ARHGAP10: variants seen among roughly 807,000 people sequenced by gnomAD.
The protein encoded by ARHGAP10 is Rho GTPase activating protein 10.
In ARHGAP10, 87 loss-of-function variants were observed where a neutral mutation model predicts 108.6. The observed-to-expected ratio is 0.80, with a 90% CI of 0.67 to 0.96. ARHGAP10 has a LOEUF of 0.96. Ranked by LOEUF, ARHGAP10 falls within the 40% of genes least tolerant of loss-of-function variation. The pLI is 0.00. For synonymous variants in ARHGAP10, 347 were observed against 341.1 expected (o/e 1.02, Z -0.19); for missense variants, 939 against 954.5 (o/e 0.98, Z 0.21).
chr4:147,804,186 G>A (rs563374775), intron 1 of ARHGAP10, among the ~76,000 whole-genome samples: 1 of 152,022 alleles, frequency 6.6e-6, no homozygotes, highest in African/African-American at 2.4e-5. Flanking sequence ...CCCCAGGTCT[G>A]TTGTTCCCTT....
In ARHGAP10 at chr4:148,063,202, C is replaced by A; in HGVS notation, c.2082C>A (p.Thr694=). 2 of 1,614,192 alleles carry A rather than the reference C, an allele frequency of 1.2e-6. No homozygotes were observed. The highest frequency in any genetic ancestry group is 1.1e-5 in the South Asian group (1 of 91,088). Residue 694 remains threonine, a synonymous_variant, in exon 21 of 23, where the codon ACC becomes ACA. Coordinates refer to ENST00000336498, the MANE Select transcript of ARHGAP10 (RefSeq NM_024605.4). Reference sequence around the variant, plus strand: ...AGTGGCTTAACCCACAGTCTCCAACCACAACAAGCTCCAACTCAGCTGTGA... The same window carrying A: ...AGTGGCTTAACCCACAGTCTCCAACAACAACAAGCTCCAACTCAGCTGTGA... ...MVQWLNPQSP[T]TTSSNSAVTP... is the part of the protein sequence containing the mutation.
chr4:147,945,096 G>C (rs1738320498), intron 14 of ARHGAP10, among the ~76,000 whole-genome samples: 1 of 152,124 alleles, frequency 6.6e-6, no homozygotes, highest in Non-Finnish European at 1.5e-5. Context: ...TTAGAAGCGT[G>C]TAAGCCCAGC....
intron 19 of ARHGAP10, among the ~76,000 whole-genome samples, chr4:148,027,476 T>A (rs1040027140): frequency 6.6e-6 from 1 of 152,232 alleles, no homozygotes; most frequent in African/African-American, 2.4e-5. Flanking sequence ...TACAGCGTGG[T>A]AGATACCGTG....
At chr4:147,788,384 T>G (rs1053135228) in intron 1 of ARHGAP10, among the ~76,000 whole-genome samples, 8 of 151,964 alleles carry the variant, frequency 5.3e-5, no homozygotes, top group African/African-American at 1.7e-4. Context: ...GAGACGGAGG[T>G]TGCAGTGAGC....
At chr4:147,957,550 G>A (rs1738830825) in intron 16 of ARHGAP10, among the ~76,000 whole-genome samples, 1 of 152,156 alleles carries the variant, frequency 6.6e-6, no homozygotes, top group South Asian at 2.1e-4. Flanking sequence ...TGTTAGCTGA[G>A]CTGACTGCTA....
intron 18 of ARHGAP10, among the ~76,000 whole-genome samples, chr4:148,004,861 T>A (rs1740882759): frequency 1.3e-5 from 2 of 152,184 alleles, no homozygotes; most frequent in Non-Finnish European, 2.9e-5. Context: ...AACTTTGAGA[T>A]CATTGATAGC....
At chr4:148,014,794 G>A (rs763449982) in intron 18 of ARHGAP10, among the ~76,000 whole-genome samples, 2 of 152,144 alleles carry the variant, frequency 1.3e-5, no homozygotes, top group East Asian at 1.9e-4. Context: ...GAGTGCTACC[G>A]AAATCAATAT....
intron 19 of ARHGAP10, among the ~76,000 whole-genome samples, chr4:148,038,665 A>T (rs1319891660): frequency 6.6e-6 from 1 of 152,154 alleles, no homozygotes. Flanking sequence ...GCAAGAGATT[A>T]TTGGTTTTGA....
chr4:147,952,411 C>T (rs570188127), intron 15 of ARHGAP10, among the ~76,000 whole-genome samples: 28 of 152,252 alleles, frequency 1.8e-4, no homozygotes, highest in Non-Finnish European at 4.4e-5. Flanking sequence ...TTCATTCTTG[C>T]CAACTCTTAA....
At chr4:147,807,920 G>A (rs936276978) in intron 1 of ARHGAP10, among the ~76,000 whole-genome samples, 2 of 152,186 alleles carry the variant, frequency 1.3e-5, no homozygotes, top group African/African-American at 4.8e-5. Flanking sequence ...TGGTTGTATG[G>A]GTGTATAGGG....
intron 13 of ARHGAP10, among the ~76,000 whole-genome samples, chr4:147,928,869 G>A (rs572672727): frequency 6.6e-6 from 1 of 152,266 alleles, no homozygotes; most frequent in South Asian, 2.1e-4. Context: ...TGAAGCTCAT[G>A]CACTTGCTTT....
intron 13 of ARHGAP10, among the ~76,000 whole-genome samples, chr4:147,917,931 CA>C (rs1160403427): frequency 6.6e-6 from 1 of 152,012 alleles, no homozygotes; most frequent in Admixed American, 6.6e-5. Flanking sequence ...GTAAAAAAAT[CA>C]TAAAACTGTT....
At chr4:147,761,644 T>A (rs993161727) in intron 1 of ARHGAP10, among the ~76,000 whole-genome samples, 1 of 152,236 alleles carries the variant, frequency 6.6e-6, no homozygotes, top group African/African-American at 2.4e-5. Flanking sequence ...GCATTTAAAT[T>A]TACTCTCCAT....
chr4:148,046,886 T>G lies in ARHGAP10; in HGVS notation c.1868-6T>G. ...GTTTGATATTCAATGCTTTTTTTCC[T>G]CCTAGGTGACAATCCTTACCCTTCC... is the stretch of plus-strand genomic sequence containing the variant. On this transcript the variant is annotated splice_region_variant and splice_polypyrimidine_tract_variant and intron_variant, in intron 19 of 22. Coordinates refer to ENST00000336498, the MANE Select transcript of ARHGAP10 (RefSeq NM_024605.4). 7 of 1,609,820 alleles carry G rather than the reference T, an allele frequency of 4.3e-6. No individual in the cohort carries two copies. The highest frequency in any genetic ancestry group is 5.9e-6 in the Non-Finnish European group (7 of 1,178,070).
At chr4:147,920,747 AG>A (rs1385366439) in intron 13 of ARHGAP10, among the ~76,000 whole-genome samples, 1 of 152,254 alleles carries the variant, frequency 6.6e-6, no homozygotes, top group African/African-American at 2.4e-5. Context: ...AGAGAATATG[AG>A]TGCATGTTGA....
chr4:147,909,603 A>G (rs1736649494), intron 11 of ARHGAP10, 129 bp from the exon 12 acceptor site: 1 of 755,900 alleles, frequency 1.3e-6, no homozygotes, highest in Non-Finnish European at 2.1e-6. Context: ...CCAATTTCTT[A>G]TTCTATCACA....
chr4:147,893,465 A>T (rs1303876398), intron 10 of ARHGAP10, among the ~76,000 whole-genome samples: 2 of 147,660 alleles, frequency 1.4e-5, no homozygotes, highest in African/African-American at 4.9e-5. Context: ...TCTATATATA[A>T]TACTATTCTA....
chr4:147,844,802 C>T (rs1340304934), intron 3 of ARHGAP10, among the ~76,000 whole-genome samples: 3 of 152,224 alleles, frequency 2.0e-5, no homozygotes, highest in Non-Finnish European at 4.4e-5. Context: ...GTGTACCACT[C>T]TAGAAGCCTC....
intron 19 of ARHGAP10, among the ~76,000 whole-genome samples, chr4:148,027,372 T>C (rs1438796147): frequency 6.6e-6 from 1 of 152,228 alleles, no homozygotes; most frequent in Non-Finnish European, 1.5e-5. Flanking sequence ...TGAGTGTTGG[T>C]CTTACTTGGG....
Sources: gnomAD v4.1 joint callset for allele counts (sites outside exome capture counted in the v4.1 genomes callset) on GRCh38, gnomAD v4.1.1 for gene constraint, MANE v1.5 for transcripts, NCBI Gene and HGNC (gene_info 2026-07-23, HGNC 2026-07-21) for gene names.